The following FAM228B variants were observed in gnomAD, a reference collection of about 807,000 sequenced individuals.
The protein encoded by FAM228B is family with sequence similarity 228 member B, also known as protein FAM228B.
A neutral mutation model predicts 42.6 loss-of-function variants in FAM228B; 38 were observed. The observed-to-expected ratio is 0.89, with a 90% CI of 0.69 to 1.17. The LOEUF (loss-of-function observed/expected upper bound fraction) is 1.17, where lower values mean the gene tolerates loss of function less well. FAM228B is among the 50% of genes most tolerant of loss of function. The pLI, the probability that FAM228B is intolerant of heterozygous loss-of-function variation, is 0.00. For synonymous variants in FAM228B, 109 were observed against 122.3 expected, an observed-to-expected ratio of 0.89 and a Z score of 0.72; for missense variants, 344 against 367.3, an observed-to-expected ratio of 0.94 and a Z score of 0.52.
At chr2:24,099,479 C>T (rs1055752909) in intron 3 of FAM228B, among the ~76,000 whole-genome samples, 2 of 152,104 alleles carry the variant, frequency 1.3e-5, no homozygotes, top group Non-Finnish European at 2.9e-5. Flanking sequence ...ACGCCATTAA[C>T]AGACAGAGAG....
At position 24,080,732 on chromosome 2, in the gene FAM228B, T is replaced by A. The variant is rs760597359; in HGVS notation, c.-289-144T>A. On this transcript the variant is annotated intron_variant, in intron 1 of 10. Transcript: ENST00000613899. This position sits in a 1 kb window ranked among gnomAD's most constrained non-coding sequence, Gnocchi z 4.7. ...GTGCACTTAGCAGAGGTAAGACTGA[T>A]ACACAGCACTGGCAACTTTGAGACT... 4 of 1,535,124 alleles carry A rather than the reference T, an allele frequency of 2.6e-6. No homozygotes were observed. The highest frequency in any genetic ancestry group is 1.9e-4 in the Middle Eastern group (1 of 5,208).
intron 1 of FAM228B, chr2:24,079,782 T>C (rs1391032973): frequency 5.2e-6 from 4 of 764,452 alleles, no homozygotes; most frequent in Non-Finnish European, 4.2e-6. Context: ...TGAAGAACTG[T>C]TGTAAATGGA....
intron 3 of FAM228B, among the ~76,000 whole-genome samples, chr2:24,103,784 G>A (rs891316144): frequency 7.9e-5 from 12 of 152,206 alleles, no homozygotes; most frequent in Non-Finnish European, 1.8e-4. Flanking sequence ...TATGTGGAGC[G>A]CGGGTCTACA....
chr2:24,086,164 G>T (rs1358750916), intron 2 of FAM228B, among the ~76,000 whole-genome samples: 1 of 150,340 alleles, frequency 6.7e-6, no homozygotes, highest in East Asian at 1.9e-4. Context: ...GAACCCGGGA[G>T]GGGGAGCTTG....
chr2:24,134,332 A>G (rs1305741457), intron 2 of FAM228B, among the ~76,000 whole-genome samples: 2 of 152,236 alleles, frequency 1.3e-5, no homozygotes, highest in East Asian at 1.9e-4. Context: ...ATTGTTCACT[A>G]GTGACATTTC....
chr2:24,130,059 G>A (rs892649371), intron 2 of FAM228B, among the ~76,000 whole-genome samples: 6 of 152,142 alleles, frequency 3.9e-5, no homozygotes, highest in East Asian at 1.9e-4. Context: ...GAGAACATGC[G>A]GTGTTTGGTT....
At chr2:24,155,515 A>C in intron 7 of FAM228B, among the ~76,000 whole-genome samples, 1 of 17,048 alleles carries the variant, frequency 5.9e-5, no homozygotes, top group Admixed American at 1.1e-3. Flanking sequence ...ATATATATAT[A>C]TATATATATA....
At chr2:24,122,628 T>C, upstream of FAM228B, 1 of 833,608 alleles carries the variant, frequency 1.2e-6, no homozygotes, top group Non-Finnish European at 2.0e-6. Flanking sequence ...CTTAAGACAC[T>C]GCAGACAGTT....
intron 3 of FAM228B, 123 bp downstream of exon 3, chr2:24,135,310 C>G (rs1352453833): frequency 1.7e-6 from 1 of 591,624 alleles, no homozygotes; most frequent in East Asian, 3.2e-5. Flanking sequence ...AGAACACTCC[C>G]TTGCACCTGG....
chr2:24,155,819 C>T (rs553200418), intron 7 of FAM228B, among the ~76,000 whole-genome samples: 3 of 152,140 alleles, frequency 2.0e-5, no homozygotes, highest in South Asian at 2.1e-4. Context: ...GGATTACAGG[C>T]GTGAGCCACT....
At position 24,161,428 on chromosome 2, in the gene FAM228B, A is replaced by G. The variant is rs571105968; in HGVS notation, c.687-78A>G. 6.8e-5 allele frequency: 58 copies of G among 853,718 alleles called. No homozygotes were observed. In the African/African-American group the frequency reaches 8.1e-4, roughly 12 times the overall value. The allele number at this position is 853,718 out of a possible 1,614,324, so 52.9% of individuals were successfully genotyped here. ...GATTGCACCACTGCACCACAGCCTG[A>G]GCAACAGAGATCTTGTCTCAAAAAA... On this transcript the variant is annotated intron_variant, in intron 7 of 10. Coordinates refer to ENST00000615575, the MANE Select transcript of FAM228B (RefSeq NM_001145710.2).
chr2:24,119,524 G>T, upstream of FAM228B: 1 of 1,324,662 alleles, frequency 7.5e-7, no homozygotes, highest in South Asian at 1.3e-5. Context: ...ACTCGTAGTC[G>T]GAAGACCCAA....
chr2:24,121,497 T>A (rs917777948), upstream of FAM228B, among the ~76,000 whole-genome samples: 1 of 152,230 alleles, frequency 6.6e-6, no homozygotes, highest in Non-Finnish European at 1.5e-5. Flanking sequence ...TCAGTATCCA[T>A]AAATATAAAA....
At chr2:24,136,942 C>T (rs944867430) in intron 3 of FAM228B, among the ~76,000 whole-genome samples, 9 of 152,174 alleles carry the variant, frequency 5.9e-5, no homozygotes, top group Non-Finnish European at 1.0e-4. Context: ...CTCCCCCAGG[C>T]ACTTGGTAAC....
intron 3 of FAM228B, among the ~76,000 whole-genome samples, chr2:24,111,915 G>A (rs1388399676): frequency 6.6e-6 from 1 of 152,020 alleles, no homozygotes; most frequent in African/African-American, 2.4e-5. Flanking sequence ...TTCCTTCCTT[G>A]TAAGAGACAA....
chr2:24,154,069 A>G (rs1667079569), intron 7 of FAM228B, among the ~76,000 whole-genome samples: 1 of 152,182 alleles, frequency 6.6e-6, no homozygotes, highest in African/African-American at 2.4e-5. Context: ...CACGGCTATG[A>G]CTGGGGAATA....
intron 9 of FAM228B, chr2:24,165,500 G>A (rs1051079605): frequency 1.1e-5 from 5 of 470,610 alleles, no homozygotes; most frequent in Middle Eastern, 6.8e-4. Flanking sequence ...AGCCCTCCAC[G>A]GTCAGCTGCA....
chr2:24,093,943 T>A (rs1328642573), intron 2 of FAM228B, among the ~76,000 whole-genome samples: 1 of 152,068 alleles, frequency 6.6e-6, no homozygotes, highest in African/African-American at 2.4e-5. Flanking sequence ...TGGAATGATT[T>A]ATAAACCTTT....
At chr2:24,083,005 C>T in intron 2 of FAM228B, 1 of 1,614,142 alleles carries the variant, frequency 6.2e-7, no homozygotes, top group Non-Finnish European at 8.5e-7. Flanking sequence ...ACGTACTGAG[C>T]CTGGCCCCCA....
Sources: allele counts gnomAD v4.1 joint callset (sites outside exome capture counted in the v4.1 genomes callset), GRCh38; gene constraint gnomAD v4.1.1; non-coding constraint Gnocchi (gnomAD v3.1); transcripts MANE v1.5; gene names NCBI Gene and HGNC (gene_info 2026-07-23, HGNC 2026-07-21).